RFC3: variants seen among roughly 807,000 people sequenced by gnomAD.
RFC3 encodes the protein replication factor C subunit 3, also known as A1 38 kDa subunit.
In RFC3, 41 loss-of-function variants were observed where a neutral mutation model predicts 45.1. The ratio of observed to expected loss-of-function variants is 0.91; its 90% CI spans 0.71 to 1.18. The LOEUF is 1.18. RFC3 is among the 50% of genes most tolerant of loss of function. The probability of loss-of-function intolerance (pLI) is 0.00; values close to 1 mark genes in which losing one functional copy is unlikely to be tolerated. For missense variants in RFC3, 423 were observed against 428.1 expected (o/e 0.99, Z 0.10); for synonymous variants, 149 against 144.0 (o/e 1.03, Z -0.25).
intron 8 of RFC3, among the ~76,000 whole-genome samples, chr13:33,911,893 A>G (rs2082705753): frequency 6.6e-6 from 1 of 152,104 alleles, no homozygotes; most frequent in African/African-American, 2.4e-5. Flanking sequence ...GGTGCGGACG[A>G]ACAAACCATA....
At chr13:33,875,699 C>A (rs1053826299) in intron 8 of RFC3, among the ~76,000 whole-genome samples, 1 of 152,090 alleles carries the variant, frequency 6.6e-6, no homozygotes, top group East Asian at 1.9e-4. Context: ...GGCTCGGGGG[C>A]CCTCTAGGAA....
chr13:33,892,241 T>C (rs1267114372), intron 8 of RFC3, among the ~76,000 whole-genome samples: 2 of 152,124 alleles, frequency 1.3e-5, no homozygotes, highest in Non-Finnish European at 2.9e-5. Context: ...TAAGCTTAAC[T>C]AAGACAAAAA....
chr13:33,836,838 TTCAGTGGTTCAGATTAGTATTAGG>T lies in RFC3; in HGVS notation c.*546_*569del. On this transcript the variant is annotated 3_prime_UTR_variant, in exon 9 of 9. Transcript: ENST00000380071. ...GAGGCTGCAGATTTCCAACTTTTAT[TTCAGTGGTTCAGATTAGTATTAGG>T]TCGGTACTAAGAAATAAGCATGTTT... The T allele has an allele frequency of 1.0e-6, 1 of 985,806 alleles. No homozygotes were observed. The highest frequency in any genetic ancestry group is 1.2e-6 in the Non-Finnish European group (1 of 830,182). 61.1% of individuals were successfully genotyped at this position (985,806 alleles called of 1,614,324 possible). A position where few individuals can be genotyped will look rare whatever the true frequency, so the allele number is the denominator to read the frequency against.
downstream of RFC3, among the ~76,000 whole-genome samples, chr13:33,838,193 G>A (rs1241726220): frequency 1.3e-5 from 2 of 152,028 alleles, no homozygotes; most frequent in Non-Finnish European, 2.9e-5. Context: ...ATTATGAAGT[G>A]CCCAGTTGCT....
chr13:33,948,570 G>C (rs1475302045), intron 8 of RFC3, among the ~76,000 whole-genome samples: 3 of 152,192 alleles, frequency 2.0e-5, no homozygotes, highest in Admixed American at 6.5e-5. Context: ...CCAACAGCTT[G>C]CCCTGCATGC....
intron 3 of RFC3, 38 bp from the exon 4 acceptor site, chr13:33,825,751 A>G (rs778447864): frequency 8.6e-7 from 1 of 1,165,758 alleles, no homozygotes; most frequent in Non-Finnish European, 1.2e-6. Context: ...TAACAATATT[A>G]AGGGCATACT....
intron 8 of RFC3, among the ~76,000 whole-genome samples, chr13:33,930,297 G>A (rs1004707525): frequency 1.3e-5 from 2 of 152,146 alleles, no homozygotes; most frequent in Non-Finnish European, 2.9e-5. Flanking sequence ...CAAAAGTAGG[G>A]AAGCTGACAG....
chr13:33,882,689 T>C (rs2082493233), intron 8 of RFC3, among the ~76,000 whole-genome samples: 1 of 152,168 alleles, frequency 6.6e-6, no homozygotes, highest in Non-Finnish European at 1.5e-5. Context: ...AGCCACCCAA[T>C]CTTTTGTGTT....
intron 8 of RFC3, among the ~76,000 whole-genome samples, chr13:33,933,087 A>T (rs1274225161): frequency 6.6e-6 from 1 of 152,156 alleles, no homozygotes; most frequent in Non-Finnish European, 1.5e-5. Context: ...ACAGATGGTG[A>T]TATCATAAGA....
intron 8 of RFC3, among the ~76,000 whole-genome samples, chr13:33,851,571 C>T (rs2082276825): frequency 6.6e-6 from 1 of 152,020 alleles, no homozygotes; most frequent in Non-Finnish European, 1.5e-5. Flanking sequence ...AGGTCTTCAT[C>T]CTTTCTGTCT....
chr13:33,868,328 T>G (rs2082386714), intron 8 of RFC3, among the ~76,000 whole-genome samples: 1 of 151,886 alleles, frequency 6.6e-6, no homozygotes, highest in East Asian at 1.9e-4. Flanking sequence ...GAGAGTAGGG[T>G]CTGGAGGCAG....
intron 8 of RFC3, among the ~76,000 whole-genome samples, chr13:33,946,615 T>C (rs1212789492): frequency 6.6e-6 from 1 of 152,252 alleles, no homozygotes; most frequent in Non-Finnish European, 1.5e-5. Context: ...GGCATAGTTT[T>C]ATATTTTTGT....
chr13:33,950,915 CAT>C (rs2082985781), intron 8 of RFC3, among the ~76,000 whole-genome samples: 1 of 152,080 alleles, frequency 6.6e-6, no homozygotes, highest in Non-Finnish European at 1.5e-5. Context: ...TTTCCACCCA[CAT>C]GTTTACTCTT....
At chr13:33,892,504 T>C (rs2082569969) in intron 8 of RFC3, among the ~76,000 whole-genome samples, 1 of 143,598 alleles carries the variant, frequency 7.0e-6, no homozygotes, top group East Asian at 1.9e-4. Flanking sequence ...CTTCATTCTA[T>C]CTCTATTTTC....
At chr13:33,838,080 C>G (rs541329679), downstream of RFC3, among the ~76,000 whole-genome samples, 23 of 152,198 alleles carry the variant, frequency 1.5e-4, no homozygotes, top group Admixed American at 1.2e-3. Context: ...AAATCTCCCT[C>G]CATAATTATG....
chr13:33,841,517 T>C (rs1356405211), downstream of RFC3, among the ~76,000 whole-genome samples: 1 of 152,202 alleles, frequency 6.6e-6, no homozygotes, highest in Non-Finnish European at 1.5e-5. Flanking sequence ...CTCTTCCATA[T>C]CACTCAATAT....
At chr13:33,827,433 A>G (rs749354453) in intron 4 of RFC3, among the ~76,000 whole-genome samples, 9 of 152,224 alleles carry the variant, frequency 5.9e-5, no homozygotes, top group Non-Finnish European at 7.3e-5. Context: ...GTATGTAAAT[A>G]TAGGAAATAT....
At chr13:33,828,478 C>G (rs2082071928) in intron 4 of RFC3, among the ~76,000 whole-genome samples, 1 of 152,224 alleles carries the variant, frequency 6.6e-6, no homozygotes, top group African/African-American at 2.4e-5. Flanking sequence ...CTTACTGCAT[C>G]AGGGTTCCCT....
At chr13:33,900,570 T>G (rs1270564795) in intron 8 of RFC3, among the ~76,000 whole-genome samples, 1 of 151,842 alleles carries the variant, frequency 6.6e-6, no homozygotes, top group Non-Finnish European at 1.5e-5. Flanking sequence ...GGCCTGAAAT[T>G]ATGAAATTAG....
Sources: gnomAD v4.1 joint callset for allele counts (sites outside exome capture counted in the v4.1 genomes callset) on GRCh38, gnomAD v4.1.1 for gene constraint, MANE v1.5 for transcripts, NCBI Gene and HGNC (gene_info 2026-07-23, HGNC 2026-07-21) for gene names.